Variants in OPCML observed in about 807,000 individuals in gnomAD.
OPCML encodes the protein opioid binding protein/cell adhesion molecule like.
A neutral mutation model predicts 37.8 loss-of-function variants in OPCML; 13 were observed. The observed-to-expected ratio is 0.34, with a 90% confidence interval of 0.22 to 0.55. The LOEUF (loss-of-function observed/expected upper bound fraction) is 0.55. OPCML is among the 20% of genes least tolerant of loss of function. The probability of loss-of-function intolerance (pLI) is 0.91; values close to 1 mark genes in which losing one functional copy is unlikely to be tolerated. For missense variants in OPCML, 341 were observed against 435.6 expected, an observed-to-expected ratio of 0.78 and a Z score of 1.93; for synonymous variants, 176 against 168.8, an observed-to-expected ratio of 1.04 and a Z score of -0.33.
intron 1 of OPCML, among the ~76,000 whole-genome samples, chr11:133,309,310 C>T (rs1943012073): frequency 6.6e-6 from 1 of 152,144 alleles, no homozygotes; most frequent in Admixed American, 6.5e-5. Context: ...CTGTGAAGGG[C>T]ACAAGATCTC....
intron 1 of OPCML, among the ~76,000 whole-genome samples, chr11:133,149,880 C>A (rs1949952706): frequency 6.6e-6 from 1 of 152,182 alleles, no homozygotes; most frequent in Non-Finnish European, 1.5e-5. Context: ...GCTTTGGGAG[C>A]AGGGAGGTGG....
At chr11:132,459,389 C>G (rs980289924) in intron 4 of OPCML, among the ~76,000 whole-genome samples, 1 of 136,944 alleles carries the variant, frequency 7.3e-6, no homozygotes, top group South Asian at 2.3e-4. Context: ...CAATTCCTTT[C>G]TCTCTCTCTC....
chr11:133,049,700 C>A (rs1036372567), intron 1 of OPCML, among the ~76,000 whole-genome samples: 6 of 152,130 alleles, frequency 3.9e-5, no homozygotes, highest in Non-Finnish European at 8.8e-5. Flanking sequence ...GATTTGTAAC[C>A]CGTCACCGTG....
At chr11:132,448,091 C>A (rs760591555) in intron 4 of OPCML, among the ~76,000 whole-genome samples, 25 of 152,174 alleles carry the variant, frequency 1.6e-4, no homozygotes, top group Non-Finnish European at 3.2e-4. Flanking sequence ...TGGCCCAGAG[C>A]ACTGAAAGAA....
chr11:132,729,970 G>T (rs529931966), intron 2 of OPCML, among the ~76,000 whole-genome samples: 62 of 150,330 alleles, frequency 4.1e-4, no homozygotes, highest in African/African-American at 1.5e-3. Context: ...TTGAGAAAAG[G>T]GTTCGGATTT....
At chr11:133,200,223 G>A (rs1012552197) in intron 1 of OPCML, among the ~76,000 whole-genome samples, 15 of 152,134 alleles carry the variant, frequency 9.9e-5, no homozygotes, top group Non-Finnish European at 2.9e-5. Flanking sequence ...TCTCTCCTTG[G>A]AGTGTCACAC....
rs139003491 is a variant in OPCML at position 133,052,479 on chromosome 11, G to A, written c.62-109469C>T. Reference sequence around the variant, plus strand: ...ATGCTGGGAAGCATATCTTGACACTGTCTGCAGGAGACTTCATGTCCACGT... The same window carrying A: ...ATGCTGGGAAGCATATCTTGACACTATCTGCAGGAGACTTCATGTCCACGT... On this transcript the variant is annotated intron_variant, in intron 1 of 7. Coordinates refer to ENST00000524381, the MANE Select transcript of OPCML (RefSeq NM_001012393.5). Among the ~76,000 whole-genome samples, 493 of 152,320 alleles carry A rather than the reference G, an allele frequency of 3.2e-3. 2 individuals are homozygous for A. Among genetic ancestry groups the A allele is most frequent in the Non-Finnish European group, 4.9e-3 (336 of 68,034 alleles).
chr11:132,591,423 T>C (rs2437832), intron 3 of OPCML, among the ~76,000 whole-genome samples: 93,805 of 152,110 alleles, frequency 0.62, 29,330 homozygotes, highest in Admixed American at 0.71. Flanking sequence ...AGAGGAGCTG[T>C]ACTTTGTACC....
chr11:132,520,246 C>T (rs2096289501), intron 4 of OPCML, among the ~76,000 whole-genome samples: 1 of 152,174 alleles, frequency 6.6e-6, no homozygotes, highest in South Asian at 2.1e-4. Context: ...CAACCTCAAG[C>T]TATGGAAGCC....
intron 3 of OPCML, among the ~76,000 whole-genome samples, chr11:132,617,885 T>C (rs2137892794): frequency 6.6e-6 from 1 of 152,336 alleles, no homozygotes; most frequent in East Asian, 1.9e-4. Flanking sequence ...TCAAAGACCC[T>C]GTCTCCCAAA....
intron 2 of OPCML, among the ~76,000 whole-genome samples, chr11:132,670,387 C>T (rs374655142): frequency 2.3e-4 from 35 of 152,172 alleles, no homozygotes; most frequent in East Asian, 1.2e-3. Flanking sequence ...ATCCCACAGA[C>T]GGGCAAGACC....
At chr11:133,097,044 AT>A (rs1487767449) in intron 1 of OPCML, among the ~76,000 whole-genome samples, 1 of 152,178 alleles carries the variant, frequency 6.6e-6, no homozygotes, top group Non-Finnish European at 1.5e-5. Context: ...TCATGAGTCA[AT>A]TAGATATAAT....
At chr11:133,003,694 C>T in intron 1 of OPCML, 1 of 985,408 alleles carries the variant, frequency 1.0e-6, no homozygotes, top group Non-Finnish European at 1.2e-6. Context: ...TCTATTGCTT[C>T]CGGTAATGAA....
At chr11:133,251,378 G>A (rs983313678) in intron 1 of OPCML, among the ~76,000 whole-genome samples, 4 of 152,082 alleles carry the variant, frequency 2.6e-5, no homozygotes, top group African/African-American at 9.7e-5. Flanking sequence ...GGAGCCAATC[G>A]TGTAGGGCAT....
chr11:133,236,750 C>T (rs1010425826), intron 1 of OPCML, among the ~76,000 whole-genome samples: 3 of 152,356 alleles, frequency 2.0e-5, no homozygotes, highest in Admixed American at 1.3e-4. Context: ...TTTTACCTTT[C>T]TCAGCATTCT....
At chr11:132,874,788 C>G (rs1315577402) in intron 2 of OPCML, among the ~76,000 whole-genome samples, 1 of 152,134 alleles carries the variant, frequency 6.6e-6, no homozygotes, top group Non-Finnish European at 1.5e-5. Context: ...TTTCAGAGCT[C>G]TGGAGAATAG....
chr11:133,348,822 G>A (rs776966692), intron 1 of OPCML, among the ~76,000 whole-genome samples: 18 of 152,028 alleles, frequency 1.2e-4, no homozygotes, highest in African/African-American at 2.2e-4. Context: ...TATTTATACC[G>A]TAATTATGAA....
At chr11:133,152,570 T>TCCC (rs11458795) in intron 1 of OPCML, among the ~76,000 whole-genome samples, 12 of 150,514 alleles carry the variant, frequency 8.0e-5, no homozygotes, top group African/African-American at 2.7e-4. Flanking sequence ...TCCCTCCTGA[T>TCCC]CCCCCCCCAA....
In OPCML at chr11:132,979,252, T is replaced by G. The variant is rs142481260; in HGVS notation, c.62-36242A>C. Among the ~76,000 whole-genome samples, 543 of 152,294 alleles carry G rather than the reference T, an allele frequency of 3.6e-3. 2 individuals carry two copies. The highest frequency in any genetic ancestry group is 0.013 in the African/African-American group (521 of 41,562). On this transcript the variant is annotated intron_variant, in intron 1 of 7. Coordinates refer to ENST00000524381, the MANE Select transcript of OPCML (RefSeq NM_001012393.5). Reference sequence around the variant, plus strand: ...TCACAACAGCAGGAGGAACAGCTGTTTAAAGCAAGTCTGTTCATGTCACTC... The same window carrying G: ...TCACAACAGCAGGAGGAACAGCTGTGTAAAGCAAGTCTGTTCATGTCACTC...
Sources: allele counts gnomAD v4.1 joint callset (sites outside exome capture counted in the v4.1 genomes callset), GRCh38; gene constraint gnomAD v4.1.1; transcripts MANE v1.5; gene names NCBI Gene and HGNC (gene_info 2026-07-23, HGNC 2026-07-21).